RAB3C: variants seen among roughly 807,000 people sequenced by gnomAD.
RAB3C encodes the protein ras-related protein Rab-3C.
In RAB3C, 17 loss-of-function variants were observed where a neutral mutation model predicts 26.4. The observed-to-expected ratio is 0.64, with a 90% CI of 0.44 to 0.97. The LOEUF is 0.97. Ranked by LOEUF, RAB3C falls within the 50% of genes least tolerant of loss-of-function variation. The pLI, the probability that RAB3C is intolerant of heterozygous loss-of-function variation, is 0.00. For missense variants in RAB3C, 242 were observed against 281.9 expected (o/e 0.86, Z 1.01); for synonymous variants, 91 against 95.9 (o/e 0.95, Z 0.30).
intron 2 of RAB3C, among the ~76,000 whole-genome samples, chr5:58,632,744 G>T (rs544008488): frequency 6.6e-6 from 1 of 152,258 alleles, no homozygotes; most frequent in African/African-American, 2.4e-5. Context: ...ATTTGACAAT[G>T]GTTCTACTTG....
chr5:58,678,144 AT>A (rs1748267474), intron 2 of RAB3C, among the ~76,000 whole-genome samples: 1 of 152,172 alleles, frequency 6.6e-6, no homozygotes, highest in African/African-American at 2.4e-5. Flanking sequence ...TTTGGGGTCT[AT>A]TCCAAATTTT....
Position 58,729,275 on chromosome 5 carries a change from A to G in RAB3C, c.371+3155A>G, listed in dbSNP as rs189505258. Among the ~76,000 whole-genome samples, 247 of 152,194 alleles carry G rather than the reference A, an allele frequency of 1.6e-3. 2 individuals are homozygous for G. The highest frequency in any genetic ancestry group is 5.7e-3 in the African/African-American group (235 of 41,556). ...TTTATCGTGGTAAAATATATATAAC[A>G]TAAGATTTACTGTCTTAACCATTTT... On this transcript the variant is annotated intron_variant, in intron 3 of 4. Coordinates refer to ENST00000282878, the MANE Select transcript of RAB3C (RefSeq NM_138453.4).
chr5:58,821,851 G>A (rs1743348417), intron 3 of RAB3C, among the ~76,000 whole-genome samples: 1 of 152,162 alleles, frequency 6.6e-6, no homozygotes, highest in Non-Finnish European at 1.5e-5. Flanking sequence ...CTCTCCTGCT[G>A]TAGTTTAAAA....
In RAB3C at chr5:58,823,672, A is replaced by T. The variant is rs2662384; in HGVS notation, c.372-1366A>T. 19 of 207,366 alleles carry T rather than the reference A, an allele frequency of 9.2e-5. No individual in the cohort carries two copies. The South Asian group carries it at 1.1e-3, about 12-fold the overall frequency. The allele number at this position is 207,366 out of a possible 1,614,324, so 12.8% of individuals were successfully genotyped here. A position where few individuals can be genotyped will look rare whatever the true frequency, so the allele number is the denominator to read the frequency against. On this transcript the variant is annotated intron_variant, in intron 3 of 4. Coordinates refer to ENST00000282878, the MANE Select transcript of RAB3C (RefSeq NM_138453.4). ...AAGAAAGATCAGGTAGCTCAAAAGA[A>T]GGGAAGCTTCCTCAGACCTCAGGAG...
chr5:58,747,295 T>C (rs936194030), intron 3 of RAB3C, among the ~76,000 whole-genome samples: 3 of 152,188 alleles, frequency 2.0e-5, no homozygotes, highest in African/African-American at 7.2e-5. Context: ...ATGAATAAAT[T>C]TTTGGTATAA....
At chr5:58,794,127 A>G (rs1300689956) in intron 3 of RAB3C, among the ~76,000 whole-genome samples, 1 of 152,206 alleles carries the variant, frequency 6.6e-6, no homozygotes, top group Non-Finnish European at 1.5e-5. Context: ...GCAGGTCACT[A>G]AAGTTATACC....
chr5:58,832,677 G>A (rs1022277848), intron 4 of RAB3C, among the ~76,000 whole-genome samples: 1 of 152,204 alleles, frequency 6.6e-6, no homozygotes, highest in Non-Finnish European at 1.5e-5. Flanking sequence ...TCTGAGAAAG[G>A]TCACACTGTG....
intron 3 of RAB3C, among the ~76,000 whole-genome samples, chr5:58,738,787 C>T (rs956728677): frequency 7.9e-5 from 12 of 152,158 alleles, no homozygotes; most frequent in East Asian, 1.9e-4. Context: ...TATACTCCCT[C>T]GCAACTCTTA....
intron 3 of RAB3C, chr5:58,817,232 T>A (rs1042740990): frequency 2.0e-5 from 3 of 152,210 alleles, no homozygotes; most frequent in Non-Finnish European, 4.4e-5. Flanking sequence ...AGATTTCTGA[T>A]CATTTTTCCT....
chr5:58,614,718 G>A (rs997515287), intron 1 of RAB3C, among the ~76,000 whole-genome samples: 5 of 151,898 alleles, frequency 3.3e-5, no homozygotes, highest in Admixed American at 6.6e-5. Context: ...TCACCTAAAT[G>A]CATACAGTCA....
intron 4 of RAB3C, chr5:58,848,381 G>A (rs1165317858): frequency 1.3e-5 from 2 of 152,144 alleles, no homozygotes; most frequent in East Asian, 3.9e-4. Flanking sequence ...AATTAACATA[G>A]GACTTACAAT....
intron 2 of RAB3C, among the ~76,000 whole-genome samples, chr5:58,671,461 A>G (rs1303913649): frequency 2.0e-5 from 3 of 152,208 alleles, no homozygotes; most frequent in African/African-American, 4.8e-5. Context: ...GGATTCTTAC[A>G]TCAACTTGCG....
chr5:58,688,893 G>A (rs1395242541), intron 2 of RAB3C, among the ~76,000 whole-genome samples: 3 of 151,932 alleles, frequency 2.0e-5, no homozygotes, highest in Non-Finnish European at 4.4e-5. Context: ...TGCCTTTTTT[G>A]TAATTTTTAC....
chr5:58,691,194 G>A (rs555914206), intron 2 of RAB3C, among the ~76,000 whole-genome samples: 1 of 152,008 alleles, frequency 6.6e-6, no homozygotes, highest in South Asian at 2.1e-4. Context: ...ATTTCCCATA[G>A]GGCTACTAAA....
chr5:58,691,606 G>A (rs946666655), intron 2 of RAB3C, among the ~76,000 whole-genome samples: 2 of 152,044 alleles, frequency 1.3e-5, no homozygotes, highest in South Asian at 2.1e-4. Flanking sequence ...GGACTGAGAC[G>A]GAACAGTCTT....
intron 3 of RAB3C, among the ~76,000 whole-genome samples, chr5:58,813,001 C>G (rs1743123166): frequency 6.6e-6 from 1 of 152,084 alleles, no homozygotes; most frequent in Non-Finnish European, 1.5e-5. Flanking sequence ...AAACTGGAAC[C>G]CAGGACTTTG....
intron 2 of RAB3C, among the ~76,000 whole-genome samples, chr5:58,710,847 T>C (rs1380048906): frequency 6.6e-6 from 1 of 152,160 alleles, no homozygotes; most frequent in Non-Finnish European, 1.5e-5. Context: ...ATCTGATTTC[T>C]ACATTTTCAT....
chr5:58,748,725 A>T (rs1741453363), intron 3 of RAB3C, among the ~76,000 whole-genome samples: 1 of 152,194 alleles, frequency 6.6e-6, no homozygotes, highest in Non-Finnish European at 1.5e-5. Context: ...GGAAATCATT[A>T]TGAGGTAGAG....
chr5:58,731,128 A>G (rs184022712), intron 3 of RAB3C, among the ~76,000 whole-genome samples: 4 of 152,240 alleles, frequency 2.6e-5, no homozygotes, highest in Non-Finnish European at 4.4e-5. Context: ...TCGGGTGGAG[A>G]CACAGCCAAA....
Sources: allele counts gnomAD v4.1 joint callset (sites outside exome capture counted in the v4.1 genomes callset), GRCh38; gene constraint gnomAD v4.1.1; transcripts MANE v1.5; gene names NCBI Gene and HGNC (gene_info 2026-07-23, HGNC 2026-07-21).